The following CDH12 variants were observed in gnomAD, a reference collection of about 807,000 sequenced individuals.
CDH12 encodes cadherin-12.
A neutral mutation model predicts 74.1 loss-of-function variants in CDH12; 41 were observed. The observed-to-expected ratio is 0.55, with a 90% CI of 0.43 to 0.72. The LOEUF (loss-of-function observed/expected upper bound fraction) is 0.72. Among genes scored for constraint, CDH12 ranks in the 30% least tolerant of loss-of-function variants. CDH12 has a pLI of 0.00. For synonymous variants in CDH12, 399 were observed against 355.0 expected (o/e 1.12, Z -1.39); for missense variants, 945 against 977.2 (o/e 0.97, Z 0.44).
intron 1 of CDH12, among the ~76,000 whole-genome samples, chr5:22,726,416 T>C (rs1325603797): frequency 6.6e-6 from 1 of 151,816 alleles, no homozygotes; most frequent in Non-Finnish European, 1.5e-5. Flanking sequence ...ATCGTCTAGA[T>C]GTATTTTTAT....
chr5:21,966,683 C>A (rs2150114775), intron 6 of CDH12, among the ~76,000 whole-genome samples: 1 of 152,220 alleles, frequency 6.6e-6, no homozygotes, highest in South Asian at 2.1e-4. Flanking sequence ...CCATAGAAAT[C>A]AAAGCCTTCC....
intron 9 of CDH12, among the ~76,000 whole-genome samples, chr5:21,810,372 G>A (rs1561204124): frequency 6.6e-6 from 1 of 152,086 alleles, no homozygotes; most frequent in Non-Finnish European, 1.5e-5. Flanking sequence ...GTGGAGAAAG[G>A]AAAATTTTAA....
At chr5:22,135,209 C>CAAAAAAAAAAAAA in intron 4 of CDH12, among the ~76,000 whole-genome samples, 1 of 119,352 alleles carries the variant, frequency 8.4e-6, no homozygotes, top group Middle Eastern at 4.3e-3. Flanking sequence ...AACACATAAG[C>CAAAAAAAAAAAAA]AAAAAAAAAA....
intron 1 of CDH12, among the ~76,000 whole-genome samples, chr5:22,719,254 C>G (rs1743751743): frequency 6.6e-6 from 1 of 152,060 alleles, no homozygotes; most frequent in African/African-American, 2.4e-5. Flanking sequence ...CTGCTTGTTA[C>G]AAAGTATAGT....
intron 6 of CDH12, among the ~76,000 whole-genome samples, chr5:21,890,118 A>T (rs1752831452): frequency 6.6e-6 from 1 of 152,158 alleles, no homozygotes; most frequent in South Asian, 2.1e-4. Context: ...AAGTGTAGTA[A>T]ATACAGTTGT....
At chr5:22,648,372 A>G (rs1332355107) in intron 1 of CDH12, among the ~76,000 whole-genome samples, 1 of 151,982 alleles carries the variant, frequency 6.6e-6, no homozygotes, top group Middle Eastern at 3.4e-3. Context: ...ATAAGTTCTT[A>G]TATAATTCTT....
At chr5:22,046,788 T>G (rs530056349) in intron 5 of CDH12, among the ~76,000 whole-genome samples, 1 of 152,338 alleles carries the variant, frequency 6.6e-6, no homozygotes, top group Non-Finnish European at 1.5e-5. Context: ...ATTTATTTTT[T>G]CTTTCATTTT....
chr5:21,857,581 T>G (rs1750819622), intron 6 of CDH12, among the ~76,000 whole-genome samples: 1 of 151,894 alleles, frequency 6.6e-6, no homozygotes, highest in Non-Finnish European at 1.5e-5. Flanking sequence ...TCAAAGGGAA[T>G]AAATATTTAT....
chr5:21,927,584 C>A (rs948979151), intron 6 of CDH12, among the ~76,000 whole-genome samples: 2 of 150,876 alleles, frequency 1.3e-5, no homozygotes, highest in African/African-American at 4.9e-5. Flanking sequence ...GAGGAAGACT[C>A]TGCTCAAAAA....
chr5:22,448,681 T>C (rs532254456), intron 2 of CDH12, among the ~76,000 whole-genome samples: 5 of 152,016 alleles, frequency 3.3e-5, no homozygotes, highest in African/African-American at 1.2e-4. Context: ...AGAGCAGTTA[T>C]AAGAAAAAAG....
rs1737628381 is a variant in CDH12 at position 22,853,071 on chromosome 5, A to T, written c.-536T>A. 1 of 152,398 alleles carries T rather than the reference A, an allele frequency of 6.6e-6. No homozygotes were observed. 9.4% of individuals were successfully genotyped at this position (152,398 alleles called of 1,614,324 possible). On this transcript the variant is annotated 5_prime_UTR_variant, in exon 1 of 15. Transcript: ENST00000382254. ...CGGAAGCCTTACCTGATGGCAGAAA[A>T]GGCAGCTGCAGGAGCAGCAGCACCG...
At chr5:22,707,697 C>T (rs1184362365) in intron 1 of CDH12, among the ~76,000 whole-genome samples, 2 of 152,130 alleles carry the variant, frequency 1.3e-5, no homozygotes, top group Non-Finnish European at 2.9e-5. Context: ...TGTCTATTTA[C>T]TCTGGCTCAA....
intron 3 of CDH12, among the ~76,000 whole-genome samples, chr5:22,389,585 G>C (rs989892752): frequency 6.6e-6 from 1 of 151,778 alleles, no homozygotes; most frequent in Non-Finnish European, 1.5e-5. Flanking sequence ...AATGTGCTCT[G>C]ATGAGCAACT....
At position 21,841,393 on chromosome 5, in the gene CDH12, C is replaced by A. The variant is rs1749841216; in HGVS notation, c.814+768G>T. ...GAGAGGATGTGGAGAAATAGGAACA[C>A]TTTTACACTGTTGGTGGGACTGTAA... On this transcript the variant is annotated intron_variant, in intron 8 of 14. Coordinates refer to ENST00000382254, the MANE Select transcript of CDH12 (RefSeq NM_004061.5). Among the ~76,000 whole-genome samples the A allele has an allele frequency of 2.6e-5, 4 of 151,808 alleles. No homozygotes were observed. In the South Asian group the frequency reaches 8.3e-4, roughly 32 times the overall value.
chr5:22,621,169 C>T (rs752582717), intron 1 of CDH12, among the ~76,000 whole-genome samples: 53 of 152,174 alleles, frequency 3.5e-4, no homozygotes, highest in Admixed American at 5.9e-4. Context: ...ATAGCATCTA[C>T]CAATCTCTCC....
At chr5:22,731,805 T>C (rs148614202) in intron 1 of CDH12, among the ~76,000 whole-genome samples, 39 of 151,970 alleles carry the variant, frequency 2.6e-4, no homozygotes, top group Non-Finnish European at 4.7e-4. Flanking sequence ...TCTAAACATC[T>C]TTCAGTTTTT....
At chr5:22,481,756 A>G (rs1033499211) in intron 2 of CDH12, among the ~76,000 whole-genome samples, 2 of 152,158 alleles carry the variant, frequency 1.3e-5, no homozygotes. Context: ...AAGATAAACA[A>G]GTTCTACAGA....
chr5:22,122,207 G>A (rs912727475), intron 4 of CDH12, among the ~76,000 whole-genome samples: 7 of 151,832 alleles, frequency 4.6e-5, no homozygotes, highest in African/African-American at 7.3e-5. Context: ...TTTCAAGACC[G>A]GCCTGGCCAA....
chr5:22,832,135 A>C (rs963009583), intron 1 of CDH12, among the ~76,000 whole-genome samples: 2 of 152,246 alleles, frequency 1.3e-5, no homozygotes, highest in East Asian at 3.9e-4. Context: ...ATCAGAAACA[A>C]CTGGCTTCTA....
Sources: allele counts gnomAD v4.1 joint callset (sites outside exome capture counted in the v4.1 genomes callset), GRCh38; gene constraint gnomAD v4.1.1; transcripts MANE v1.5; gene names NCBI Gene and HGNC (gene_info 2026-07-23, HGNC 2026-07-21).